The following SULT4A1 variants were observed in gnomAD, a reference collection of about 807,000 sequenced individuals.
SULT4A1 encodes the protein sulfotransferase 4A1.
In SULT4A1, 11 loss-of-function variants were observed where a neutral mutation model predicts 35.2. The observed-to-expected ratio is 0.31, with a 90% confidence interval of 0.20 to 0.52. The LOEUF is 0.52. SULT4A1 is among the 20% of genes least tolerant of loss of function. The probability of loss-of-function intolerance (pLI) is 0.97; values close to 1 mark genes in which losing one functional copy is unlikely to be tolerated. For missense variants in SULT4A1, 271 were observed against 383.7 expected (o/e 0.71, Z 2.45); for synonymous variants, 152 against 151.8 (o/e 1.00, Z -0.01).
Position 43,847,355 on chromosome 22 carries a change from C to T in SULT4A1, c.170-5423G>A, listed in dbSNP as rs1240579930. Among the ~76,000 whole-genome samples the T allele has an allele frequency of 2.6e-5, 4 of 152,262 alleles. No individual in the cohort carries two copies. In the South Asian group the frequency reaches 6.2e-4, roughly 24 times the overall value. ...CAGGCACACTTCTAAGCACTTGGAA[C>T]CAAAGATCAAACCCAGCTTTGAAGA... is the stretch of plus-strand genomic sequence containing the variant. On this transcript the variant is annotated intron_variant, in intron 1 of 6. Coordinates refer to ENST00000330884, the MANE Select transcript of SULT4A1 (RefSeq NM_014351.4).
At chr22:43,856,111 G>A (rs996608078) in intron 1 of SULT4A1, among the ~76,000 whole-genome samples, 1 of 152,220 alleles carries the variant, frequency 6.6e-6, no homozygotes, top group Non-Finnish European at 1.5e-5. Context: ...TCAGGAGAAA[G>A]AGTTGGGGGC....
At chr22:43,853,773 G>A (rs865996556) in intron 1 of SULT4A1, among the ~76,000 whole-genome samples, 17 of 152,210 alleles carry the variant, frequency 1.1e-4, no homozygotes, top group African/African-American at 3.9e-4. Context: ...CCCTGAGGCT[G>A]CCAAGAGGCT....
At chr22:43,831,825 A>G (rs572507177) in intron 5 of SULT4A1, among the ~76,000 whole-genome samples, 7 of 152,364 alleles carry the variant, frequency 4.6e-5, no homozygotes, top group Admixed American at 6.5e-5. Flanking sequence ...AATGTTCTGG[A>G]TCTGGAAGGT....
intron 4 of SULT4A1, among the ~76,000 whole-genome samples, chr22:43,834,306 C>A (rs1448495492): frequency 6.8e-6 from 1 of 147,648 alleles, no homozygotes; most frequent in Non-Finnish European, 1.5e-5. Context: ...TCCCGCGCCC[C>A]CACCGCGTCC....
intron 4 of SULT4A1, among the ~76,000 whole-genome samples, chr22:43,835,491 A>T (rs936573304): frequency 6.6e-6 from 1 of 152,252 alleles, no homozygotes; most frequent in East Asian, 1.9e-4. Context: ...CCCACGGAGG[A>T]GCTGCACCCA....
chr22:43,848,361 C>G (rs939250890), intron 1 of SULT4A1, among the ~76,000 whole-genome samples: 3 of 152,242 alleles, frequency 2.0e-5, no homozygotes, highest in Non-Finnish European at 2.9e-5. Flanking sequence ...GGCCTGCTCC[C>G]GTGCAAGGAC....
At chr22:43,849,019 A>G (rs2063494028) in intron 1 of SULT4A1, among the ~76,000 whole-genome samples, 1 of 152,032 alleles carries the variant, frequency 6.6e-6, no homozygotes, top group African/African-American at 2.4e-5. Flanking sequence ...ACCGATCAAT[A>G]CCCCCTGCAG....
rs558287701 is a variant in SULT4A1 at position 43,860,080 on chromosome 22, A to G, written c.169+2134T>C. Among the ~76,000 whole-genome samples the G allele has an allele frequency of 1.3e-4, 20 of 152,264 alleles. 1 individual carries two copies. Among genetic ancestry groups the G allele is most frequent in the African/African-American group, 4.8e-4 (20 of 41,562 alleles). On this transcript the variant is annotated intron_variant, in intron 1 of 6. Coordinates refer to ENST00000330884, the MANE Select transcript of SULT4A1 (RefSeq NM_014351.4). Reference sequence around the variant, plus strand: ...AGCCCCCACCACCCCTTTGAACCCCAGTTTCTCCATCAGCAGAGGGTGGGA... The same window carrying G: ...AGCCCCCACCACCCCTTTGAACCCCGGTTTCTCCATCAGCAGAGGGTGGGA...
At chr22:43,858,497 G>A (rs1237695922) in intron 1 of SULT4A1, among the ~76,000 whole-genome samples, 1 of 152,178 alleles carries the variant, frequency 6.6e-6, no homozygotes, top group African/African-American at 2.4e-5. Context: ...AGCAAGAGGA[G>A]AAAGATGGGG....
intron 1 of SULT4A1, among the ~76,000 whole-genome samples, chr22:43,855,911 C>G (rs574885150): frequency 1.3e-5 from 2 of 152,300 alleles, no homozygotes; most frequent in East Asian, 3.9e-4. Context: ...GAGACAGGGC[C>G]CTGGAGGAAG....
intron 5 of SULT4A1, 130 bp downstream of exon 5, chr22:43,833,510 G>A (rs1227569809): frequency 1.3e-4 from 10 of 74,796 alleles, no homozygotes; most frequent in Non-Finnish European, 1.8e-4. Flanking sequence ...AGACTGTCCC[G>A]CCCCCTCCTC....
chr22:43,835,126 GC>G (rs1337460894), intron 4 of SULT4A1, among the ~76,000 whole-genome samples: 1 of 140,374 alleles, frequency 7.1e-6, no homozygotes. Flanking sequence ...CCACACCGCA[GC>G]CCTGAGCTTC....
At chr22:43,843,429 A>C (rs1439632906) in intron 1 of SULT4A1, among the ~76,000 whole-genome samples, 1 of 152,212 alleles carries the variant, frequency 6.6e-6, no homozygotes, top group East Asian at 1.9e-4. Context: ...CTCAAAAAAC[A>C]AAAAGAAAAA....
At chr22:43,847,412 C>T (rs1210151214) in intron 1 of SULT4A1, among the ~76,000 whole-genome samples, 2 of 152,250 alleles carry the variant, frequency 1.3e-5, no homozygotes, top group African/African-American at 2.4e-5. Flanking sequence ...CTCTGCCAGA[C>T]GCCAAGCTGT....
rs527720730 is a variant in SULT4A1, at chr22:43,854,364, T to G, written c.169+7850A>C. Among the ~76,000 whole-genome samples, 49 of 152,280 alleles carry G rather than the reference T, an allele frequency of 3.2e-4. 3 individuals carry two copies. The South Asian group carries it at 9.7e-3, about 30-fold the overall frequency. Reference sequence around the variant, plus strand: ...TCCCAGGAAGAGAAAAAGAGGTGCCTGGAGCACAGCTGCCCCCGCCAAGCC... The same window carrying G: ...TCCCAGGAAGAGAAAAAGAGGTGCCGGGAGCACAGCTGCCCCCGCCAAGCC... On this transcript the variant is annotated intron_variant, in intron 1 of 6. Transcript: ENST00000330884.
At chr22:43,828,706 C>T (rs1176111727) in intron 6 of SULT4A1, 2 of 239,412 alleles carry the variant, frequency 8.4e-6, no homozygotes, top group East Asian at 1.7e-4. Context: ...TGTCATAGCA[C>T]CAAACCCAGT....
At chr22:43,843,226 G>A (rs746037710) in intron 1 of SULT4A1, among the ~76,000 whole-genome samples, 5 of 152,090 alleles carry the variant, frequency 3.3e-5, no homozygotes, top group South Asian at 2.1e-4. Flanking sequence ...ACCAGCCTGC[G>A]CAATATAGCA....
intron 1 of SULT4A1, among the ~76,000 whole-genome samples, chr22:43,858,438 C>A (rs1389661729): frequency 6.6e-6 from 1 of 152,074 alleles, no homozygotes; most frequent in African/African-American, 2.4e-5. Context: ...CCAGGTCAAG[C>A]CTCCTGAGTA....
chr22:43,854,509 G>A lies in SULT4A1; in HGVS notation c.169+7705C>T, dbSNP rs2049379575. Among the ~76,000 whole-genome samples the A allele has an allele frequency of 4.6e-5, 7 of 152,134 alleles. No homozygotes were observed. In the South Asian group the frequency reaches 1.4e-3, roughly 31 times the overall value. On this transcript the variant is annotated intron_variant, in intron 1 of 6. Transcript: ENST00000330884. ...ATTCAGACCTAAGTCTTTATAACTG[G>A]TCCCCTCCTCCAGCAGAGCCTACCA...
Sources: allele counts gnomAD v4.1 joint callset (sites outside exome capture counted in the v4.1 genomes callset), GRCh38; gene constraint gnomAD v4.1.1; transcripts MANE v1.5; gene names NCBI Gene and HGNC (gene_info 2026-07-23, HGNC 2026-07-21).